Variants in ZNF532 observed in about 807,000 individuals in gnomAD.
ZNF532 encodes the protein zinc finger protein 532.
Under a neutral mutation model 89.3 loss-of-function variants are expected in ZNF532, and 22 were observed. The ratio of observed to expected loss-of-function variants is 0.25; its 90% CI spans 0.18 to 0.35. ZNF532 has a LOEUF of 0.35. Ranked by LOEUF, ZNF532 falls within the 10% of genes least tolerant of loss-of-function variation. ZNF532 has a pLI of 1.00. For missense variants in ZNF532, 1,132 were observed against 1,643.4 expected, an observed-to-expected ratio of 0.69 and a Z score of 5.38; for synonymous variants, 606 against 649.6, an observed-to-expected ratio of 0.93 and a Z score of 1.02.
chr18:58,869,762 GTTTTTTTTTTTT>G (rs59118998), intron 2 of ZNF532, among the ~76,000 whole-genome samples: 1 of 111,518 alleles, frequency 9.0e-6, no homozygotes. Context: ...TGGAAGATCT[GTTTTTTTTTTTT>G]TTTTTTTTTG....
chr18:58,869,887 C>G (rs1231064336), intron 2 of ZNF532, among the ~76,000 whole-genome samples: 1 of 151,248 alleles, frequency 6.6e-6, no homozygotes, highest in African/African-American at 2.4e-5. Flanking sequence ...CTGCCTCAGC[C>G]TCCTGAGTAG....
intron 5 of ZNF532, among the ~76,000 whole-genome samples, chr18:58,946,388 G>T (rs193252420): frequency 6.6e-6 from 1 of 151,066 alleles, no homozygotes; most frequent in Non-Finnish European, 1.5e-5. Flanking sequence ...TGCCTCCTGG[G>T]CCCAAGCGAT....
chr18:58,958,352 C>T (rs1454298776), intron 7 of ZNF532, among the ~76,000 whole-genome samples: 1 of 152,188 alleles, frequency 6.6e-6, no homozygotes, highest in Non-Finnish European at 1.5e-5. Flanking sequence ...GTTAAAGCAG[C>T]AGCATTTTAA....
At chr18:58,874,590 C>T (rs1163262201) in intron 2 of ZNF532, among the ~76,000 whole-genome samples, 5 of 152,216 alleles carry the variant, frequency 3.3e-5, no homozygotes, top group African/African-American at 1.2e-4. Flanking sequence ...ATCCACCCGC[C>T]TTGGCCTCCT....
chr18:58,962,302 T>C (rs2065434680), intron 7 of ZNF532, among the ~76,000 whole-genome samples: 1 of 152,010 alleles, frequency 6.6e-6, no homozygotes. Flanking sequence ...CTACCAGTGG[T>C]AATCTATGTA....
chr18:58,940,942 A>G (rs1305073506), intron 5 of ZNF532, among the ~76,000 whole-genome samples: 2 of 140,890 alleles, frequency 1.4e-5, no homozygotes, highest in African/African-American at 5.0e-5. Flanking sequence ...ACACACACAC[A>G]CACACACACA....
intron 3 of ZNF532, among the ~76,000 whole-genome samples, chr18:58,923,010 C>T (rs2061241561): frequency 6.6e-6 from 1 of 152,134 alleles, no homozygotes; most frequent in African/African-American, 2.4e-5. Context: ...TGTGTGGTTG[C>T]TTTGGCATCA....
At chr18:58,876,585 C>T (rs537093220) in intron 2 of ZNF532, among the ~76,000 whole-genome samples, 20 of 152,194 alleles carry the variant, frequency 1.3e-4, no homozygotes, top group Admixed American at 1.3e-3. Context: ...TGAATGGATC[C>T]GGGGTTTATT....
chr18:58,953,256 G>C, intron 6 of ZNF532: 1 of 320,190 alleles, frequency 3.1e-6, no homozygotes, highest in Admixed American at 4.6e-5. Flanking sequence ...TCAATACAGA[G>C]GTCTTTCTTT....
At chr18:58,872,552 T>TA (rs984745436) in intron 2 of ZNF532, among the ~76,000 whole-genome samples, 2 of 152,206 alleles carry the variant, frequency 1.3e-5, no homozygotes, top group Non-Finnish European at 2.9e-5. Context: ...CACACATTTG[T>TA]AGTTATCTCA....
intron 3 of ZNF532, among the ~76,000 whole-genome samples, chr18:58,929,246 G>C (rs2061760480): frequency 6.6e-6 from 1 of 152,152 alleles, no homozygotes; most frequent in Non-Finnish European, 1.5e-5. Flanking sequence ...TTACTTCCGA[G>C]TCACCTTCAA....
chr18:58,937,448 C>T (rs2062576972), intron 4 of ZNF532, among the ~76,000 whole-genome samples: 1 of 152,158 alleles, frequency 6.6e-6, no homozygotes, highest in South Asian at 2.1e-4. Context: ...TGAGTCATAG[C>T]CACTTCCTCT....
Position 58,953,786 on chromosome 18 carries a change from A to G in ZNF532, c.3137A>G (p.Lys1046Arg), listed in dbSNP as rs763382530. ...GATGTGTACATATCCCACGTGAGGA[A>G]GGAGCACGGGAAGGTCAGTAAAGAA... ...QRDVYISHVR[K>R]EHGKQMKKHP... is the part of the protein sequence containing the mutation. Residue 1046 changes from lysine (K) to arginine (R), a missense_variant, in exon 7 of 10, where the codon AAG (lysine) becomes AGG (arginine). Lys to Arg is a conservative substitution (Grantham distance 26). Coordinates refer to ENST00000591808, the MANE Select transcript of ZNF532 (RefSeq NM_001375912.1). 34 of 1,612,708 alleles carry G rather than the reference A, an allele frequency of 2.1e-5. No individual in the cohort carries two copies. Among genetic ancestry groups the G allele is most frequent in the Non-Finnish European group, 2.8e-5 (33 of 1,178,918 alleles).
chr18:58,942,062 GCC>G (rs2063141760), intron 5 of ZNF532, among the ~76,000 whole-genome samples: 1 of 127,268 alleles, frequency 7.9e-6, no homozygotes, highest in Non-Finnish European at 1.6e-5. Context: ...TCGCTGTGTC[GCC>G]CAGGCTGGAG....
chr18:58,916,150 T>A (rs1196408762), intron 2 of ZNF532, among the ~76,000 whole-genome samples: 1 of 152,210 alleles, frequency 6.6e-6, no homozygotes, highest in East Asian at 1.9e-4. Context: ...TAAGGATAGA[T>A]CACAGGGATA....
chr18:58,875,775 T>C lies in ZNF532; in HGVS notation c.-18+10196T>C, dbSNP rs572768487. Among the ~76,000 whole-genome samples the C allele has an allele frequency of 2.6e-5, 4 of 152,312 alleles. No individual in the cohort carries two copies. The South Asian group carries it at 8.3e-4, about 32-fold the overall frequency. ...TCGACCCTAGATTTGAACCAGGGTC[T>C]GGCCAGCTTTGAAATTCTTTTCTGT... On this transcript the variant is annotated intron_variant, in intron 2 of 9. Transcript: ENST00000591808.
chr18:58,867,698 A>G (rs570932819), intron 2 of ZNF532, among the ~76,000 whole-genome samples: 4 of 152,360 alleles, frequency 2.6e-5, no homozygotes, highest in African/African-American at 9.6e-5. Flanking sequence ...CCTCCGGAGC[A>G]GGAATGTGTG....
At chr18:58,931,491 CAG>C (rs1284610589) in intron 3 of ZNF532, among the ~76,000 whole-genome samples, 19 of 152,138 alleles carry the variant, frequency 1.2e-4, no homozygotes, top group Non-Finnish European at 2.6e-4. Flanking sequence ...TCATGGGAAA[CAG>C]GGGATGACAA....
intron 2 of ZNF532, among the ~76,000 whole-genome samples, chr18:58,894,744 A>G (rs565805325): frequency 6.6e-6 from 1 of 152,336 alleles, no homozygotes; most frequent in South Asian, 2.1e-4. Context: ...TTGGCATTTT[A>G]CGAACAAACT....
Sources: allele counts gnomAD v4.1 joint callset (sites outside exome capture counted in the v4.1 genomes callset), GRCh38; gene constraint gnomAD v4.1.1; transcripts MANE v1.5; gene names NCBI Gene and HGNC (gene_info 2026-07-23, HGNC 2026-07-21).